The following HCN4 variants were observed in gnomAD, a reference collection of about 807,000 sequenced individuals.
HCN4 encodes potassium/sodium hyperpolarization-activated cyclic nucleotide-gated channel 4.
In HCN4, 29 loss-of-function variants were observed where a neutral mutation model predicts 76.9. The ratio of observed to expected loss-of-function variants is 0.38; its 90% CI spans 0.28 to 0.51. The LOEUF (loss-of-function observed/expected upper bound fraction) is 0.51. Among genes scored for constraint, HCN4 ranks in the 20% least tolerant of loss-of-function variants. HCN4 has a pLI of 0.90. For synonymous variants in HCN4, 772 were observed against 762.5 expected (o/e 1.01, Z -0.21); for missense variants, 1,416 against 1,715.2 (o/e 0.83, Z 3.08).
At chr15:73,323,988 G>C in intron 7 of HCN4, 39 bp from the exon 8 acceptor site, 2 of 1,610,294 alleles carry the variant, frequency 1.2e-6, no homozygotes, top group Non-Finnish European at 1.7e-6. Context: ...AGGGCAGAGC[G>C]GGGAAGGAGA....
intron 1 of HCN4, among the ~76,000 whole-genome samples, chr15:73,366,957 T>C (rs1433202302): frequency 6.6e-6 from 1 of 152,130 alleles, no homozygotes. Flanking sequence ...GGGGTTTTCA[T>C]CCCGGCCTGA....
Position 73,367,427 on chromosome 15 carries a change from G to A in HCN4, c.785+59C>T. 2 of 1,609,864 alleles carry A rather than the reference G, an allele frequency of 1.2e-6. No homozygotes were observed. The highest frequency in any genetic ancestry group is 1.7e-6 in the Non-Finnish European group (2 of 1,179,020). ...AACTCCGGCTGGGAGGCAGGGTCAG[G>A]AGGAGGCATGCCTGCCACCGCGCAG... On this transcript the variant is annotated intron_variant, in intron 1 of 7. Transcript: ENST00000261917. The surrounding 1 kb of genome is among the most constrained non-coding windows in gnomAD (Gnocchi z 7.5).
intron 1 of HCN4, among the ~76,000 whole-genome samples, chr15:73,365,580 G>A (rs557981098): frequency 6.6e-6 from 1 of 152,330 alleles, no homozygotes; most frequent in African/African-American, 2.4e-5. Context: ...ACCAGGAAGG[G>A]GAAAAGGATC....
intron 2 of HCN4, chr15:73,340,938 G>A (rs907974469): frequency 1.3e-5 from 2 of 152,166 alleles, no homozygotes; most frequent in Non-Finnish European, 2.9e-5. Flanking sequence ...CCACTGGGGC[G>A]GCTGGCCTTT....
chr15:73,354,405 C>T (rs182862099), intron 1 of HCN4, among the ~76,000 whole-genome samples: 3 of 152,274 alleles, frequency 2.0e-5, no homozygotes, highest in Admixed American at 6.5e-5. Flanking sequence ...AGCACGGCGC[C>T]CCTCACACAG....
In HCN4 at chr15:73,334,726, G is replaced by A. The variant is rs1304229940; in HGVS notation, c.1210-2434C>T. Among the ~76,000 whole-genome samples the A allele has an allele frequency of 2.7e-5, 4 of 146,340 alleles. No individual in the cohort carries two copies. The Admixed American group carries it at 2.9e-4, about 11-fold the overall frequency. On this transcript the variant is annotated intron_variant, in intron 2 of 7. Transcript: ENST00000261917. ...CAAACAAGCTAGACATCTGCCCCCTGTTTTACAAGATTGCTTGTGAATTAA... is the reference window on the plus strand; with the variant it reads ...CAAACAAGCTAGACATCTGCCCCCTATTTTACAAGATTGCTTGTGAATTAA...
At chr15:73,354,706 A>G (rs1167252762) in intron 1 of HCN4, among the ~76,000 whole-genome samples, 1 of 152,202 alleles carries the variant, frequency 6.6e-6, no homozygotes, top group African/African-American at 2.4e-5. Context: ...ACCAAATGAG[A>G]TAATATTTAC....
Position 73,322,542 on chromosome 15 carries a change from G to C in HCN4, c.3551C>G (p.Pro1184Arg), listed in dbSNP as rs2042866098. ...AGGCCTGGCCCCAGGTTCCCTCTGG[G>C]GTCCAGCAGTCAGAGGGGGCCCCCC... is the stretch of plus-strand genomic sequence containing the variant. ...SSGGPPLTAG[P>R]QREPGARPEP... The change falls in exon 8 of 8, where the codon CCC (proline) becomes CGC (arginine). Residue 1184 changes from proline (P) to arginine (R), a missense_variant. Pro to Arg is a moderately radical substitution (Grantham distance 103). Transcript: ENST00000261917. The C allele has an allele frequency of 1.2e-6, 2 of 1,605,986 alleles. No homozygotes were observed. Among genetic ancestry groups the C allele is most frequent in the Non-Finnish European group, 1.7e-6 (2 of 1,176,512 alleles).
chr15:73,365,507 C>T (rs2043124301), intron 1 of HCN4, among the ~76,000 whole-genome samples: 1 of 152,228 alleles, frequency 6.6e-6, no homozygotes, highest in Non-Finnish European at 1.5e-5. Flanking sequence ...CCCAGGCAGC[C>T]TGCAGTTAGT....
At chr15:73,331,236 ACTT>A (rs1311862775) in intron 3 of HCN4, among the ~76,000 whole-genome samples, 2 of 152,106 alleles carry the variant, frequency 1.3e-5, no homozygotes, top group African/African-American at 4.8e-5. Flanking sequence ...CCCAAGTTCA[ACTT>A]CTCTCACCCA....
At chr15:73,332,800 C>G (rs2042940730) in intron 2 of HCN4, among the ~76,000 whole-genome samples, 1 of 152,166 alleles carries the variant, frequency 6.6e-6, no homozygotes, top group South Asian at 2.1e-4. Context: ...CTCACAGGCC[C>G]CAAGTTCAGG....
Position 73,332,137 on chromosome 15 carries a change from G to A in HCN4, c.1365C>T (p.Asn455=). The change falls in exon 3 of 8, where the codon AAC becomes AAT. Residue 455 remains asparagine (N), a synonymous_variant. Transcript: ENST00000261917. The part of the protein sequence containing the change: ...FPDDCWVSIN[N]MVNNSWGKQY... Reference sequence around the variant, plus strand: ...CCGGGCTGGGCGCACTCACCACCATGTTGTTGATGGACACCCAGCAGTCGT... The same window carrying A: ...CCGGGCTGGGCGCACTCACCACCATATTGTTGATGGACACCCAGCAGTCGT... 6.2e-7 allele frequency: 1 copy of A among 1,613,964 alleles called. No individual in the cohort carries two copies.
At chr15:73,362,714 T>C (rs1253880579) in intron 1 of HCN4, among the ~76,000 whole-genome samples, 1 of 152,134 alleles carries the variant, frequency 6.6e-6, no homozygotes, top group African/African-American at 2.4e-5. Context: ...GGAAACTCCC[T>C]ATGTGAGGCA....
Position 73,323,708 on chromosome 15 carries a change from G to A in HCN4, c.2385C>T (p.Leu795=), listed in dbSNP as rs878854773. ...CAGCAGGCAGGCGAGGGTGGTGGGT[G>A]AGGGCTATGGCCACAGAAGTGGTGG... ...AAATTSVAIA[L]THHPRLPAAI... The change falls in exon 8 of 8, where the codon CTC becomes CTT. Residue 795 remains leucine, a synonymous_variant. Transcript: ENST00000261917. 12 of 1,597,902 alleles carry A rather than the reference G, an allele frequency of 7.5e-6. No homozygotes were observed. Among genetic ancestry groups the A allele is most frequent in the Admixed American group, 6.7e-5 (4 of 59,504 alleles).
At chr15:73,327,657 G>A (rs1241028301) in intron 4 of HCN4, among the ~76,000 whole-genome samples, 3 of 152,064 alleles carry the variant, frequency 2.0e-5, no homozygotes, top group South Asian at 4.2e-4. Context: ...TTTGTAGCTT[G>A]ATGCCTTCTC....
rs2042920191 is a variant in HCN4 at position 73,329,560 on chromosome 15, T to TG, written c.1590+12dup. 1.2e-6 allele frequency: 2 copies of TG among 1,613,300 alleles called. No individual in the cohort carries two copies. Among genetic ancestry groups the TG allele is most frequent in the Non-Finnish European group, 1.7e-6 (2 of 1,179,662 alleles). ...GAGGGACCAATGTGCGGGTGCTCCC[T>TG]GGGTAGACCTACCTTTTCCTGGTAC... On this transcript the variant is annotated intron_variant, in intron 4 of 7. Coordinates refer to ENST00000261917, the MANE Select transcript of HCN4 (RefSeq NM_005477.3).
chr15:73,348,190 C>T (rs2043037409), intron 1 of HCN4, among the ~76,000 whole-genome samples: 1 of 152,198 alleles, frequency 6.6e-6, no homozygotes, highest in Admixed American at 6.5e-5. Context: ...AACTCGGGGA[C>T]TCAAGGACAA....
At chr15:73,352,029 T>C (rs549201760) in intron 1 of HCN4, among the ~76,000 whole-genome samples, 1 of 152,334 alleles carries the variant, frequency 6.6e-6, no homozygotes, top group Admixed American at 6.5e-5. Context: ...CTTTGTATCC[T>C]AGGAAATCTG....
At position 73,322,696 on chromosome 15, in the gene HCN4, C is replaced by G. The variant is rs532186403; in HGVS notation, c.3397G>C (p.Gly1133Arg). ...GGCCTCCCAGGGGGACCGAGGCCCC[C>G]GCTGCTCCCACTGCCCCCGCTGCCA... is the stretch of plus-strand genomic sequence containing the variant. ...GGGSGGSGSS[G>R]GLGPPGRPYG... The change falls in exon 8 of 8, where the codon GGG becomes CGG. Residue 1133 changes from glycine (G) to arginine (R), a missense_variant. Gly to Arg is a moderately radical substitution (Grantham distance 125). Around this residue, in one of 6 missense-constraint regions of HCN4, gnomAD observed 633 missense variants for 579.8 expected, o/e 1.09. Coordinates refer to ENST00000261917, the MANE Select transcript of HCN4 (RefSeq NM_005477.3). 20 of 1,579,212 alleles carry G rather than the reference C, an allele frequency of 1.3e-5. No individual in the cohort carries two copies. The African/African-American group carries it at 2.4e-4, about 19-fold the overall frequency.
Sources: gnomAD v4.1 joint callset for allele counts (sites outside exome capture counted in the v4.1 genomes callset) on GRCh38, gnomAD v4.1.1 for gene constraint, gnomAD v4.1.1 regional missense constraint, Gnocchi (gnomAD v3.1) non-coding constraint, MANE v1.5 for transcripts, NCBI Gene and HGNC (gene_info 2026-07-23, HGNC 2026-07-21) for gene names.